NFATC1: variants seen among roughly 807,000 people sequenced by gnomAD.
NFATC1 encodes nuclear factor of activated T-cells, cytoplasmic 1.
A neutral mutation model predicts 76.0 loss-of-function variants in NFATC1; 22 were observed. The ratio of observed to expected loss-of-function variants is 0.29; its 90% CI spans 0.21 to 0.41. The LOEUF (loss-of-function observed/expected upper bound fraction) is 0.41. Ranked by LOEUF, NFATC1 falls within the 10% of genes least tolerant of loss-of-function variation. The probability of loss-of-function intolerance (pLI) is 1.00; values close to 1 mark genes in which losing one functional copy is unlikely to be tolerated. For synonymous variants in NFATC1, 704 were observed against 613.1 expected (o/e 1.15, Z -2.19); for missense variants, 1,357 against 1,337.7 (o/e 1.01, Z -0.23).
At chr18:79,511,964 T>C (rs2090264765) in intron 9 of NFATC1, among the ~76,000 whole-genome samples, 1 of 151,992 alleles carries the variant, frequency 6.6e-6, no homozygotes, top group East Asian at 1.9e-4. Context: ...AGGAGCCCAG[T>C]GGATGGGACG....
At chr18:79,527,484 T>A (rs775137194) in intron 9 of NFATC1, 44 bp from the exon 10 acceptor site, 1 of 1,535,096 alleles carries the variant, frequency 6.5e-7, no homozygotes, top group Non-Finnish European at 9.0e-7. Flanking sequence ...CTTTGATGTT[T>A]ATGGTATTTC....
chr18:79,502,735 C>G (rs991125968), intron 9 of NFATC1, among the ~76,000 whole-genome samples: 5 of 152,164 alleles, frequency 3.3e-5, no homozygotes, highest in African/African-American at 1.2e-4. Context: ...CTCCACATCA[C>G]TAGTTATTAG....
Position 79,467,587 on chromosome 18 carries a change from C to T in NFATC1, c.2092+5C>T, listed in dbSNP as rs765588607. 1.7e-5 allele frequency: 28 copies of T among 1,613,856 alleles called. No individual in the cohort carries two copies. Among genetic ancestry groups the T allele is most frequent in the East Asian group, 4.5e-5 (2 of 44,874 alleles). On this transcript the variant is annotated splice_donor_5th_base_variant and intron_variant, in intron 8 of 9. Transcript: ENST00000427363. ...TCACCTACCTTCCCGCCAACGGTAACGCCATCTTTCTAACCGTAAGCCGTG... is the reference window on the plus strand; with the variant it reads ...TCACCTACCTTCCCGCCAACGGTAATGCCATCTTTCTAACCGTAAGCCGTG...
At chr18:79,409,403 TCGTC>T (rs1283568535) in intron 1 of NFATC1, among the ~76,000 whole-genome samples, 12 of 151,232 alleles carry the variant, frequency 7.9e-5, no homozygotes, top group South Asian at 2.1e-4. Flanking sequence ...CCTCCATTCC[TCGTC>T]CATCCATCCA....
At chr18:79,442,390 G>A (rs1175616644) in intron 3 of NFATC1, among the ~76,000 whole-genome samples, 5 of 152,224 alleles carry the variant, frequency 3.3e-5, no homozygotes, top group African/African-American at 9.6e-5. Flanking sequence ...ATTCACGGGC[G>A]CCATGTCTCC....
intron 3 of NFATC1, among the ~76,000 whole-genome samples, chr18:79,443,552 T>C (rs1407169834): frequency 1.3e-5 from 2 of 152,180 alleles, no homozygotes; most frequent in Non-Finnish European, 2.9e-5. Context: ...CGCCCGTGCA[T>C]TCACCGGTCT....
intron 8 of NFATC1, among the ~76,000 whole-genome samples, chr18:79,474,346 G>C (rs682504): frequency 7.1e-6 from 1 of 140,942 alleles, no homozygotes; most frequent in East Asian, 2.1e-4. Flanking sequence ...CACTGTCGAC[G>C]TTGTAAACCT....
chr18:79,448,150 G>C (rs954987516), intron 3 of NFATC1: 1 of 153,806 alleles, frequency 6.5e-6, no homozygotes, highest in Non-Finnish European at 1.4e-5. Context: ...GCGGACTATA[G>C]ACACCTCCAT....
intron 4 of NFATC1, among the ~76,000 whole-genome samples, chr18:79,449,966 A>T (rs1316485298): frequency 6.6e-6 from 1 of 152,234 alleles, no homozygotes. Flanking sequence ...CGCACCTGGG[A>T]ATTCATTCCA....
In NFATC1 at chr18:79,446,194, A is replaced by G. The variant is rs1016743710; in HGVS notation, c.1387-2588A>G. On this transcript the variant is annotated intron_variant, in intron 3 of 9. Coordinates refer to ENST00000427363, the MANE Select transcript of NFATC1 (RefSeq NM_001278669.2). ...TCTTAAAATGAACTTCATGTTTTAA[A>G]TAATAGATGTTTACCTCCCAGGTGA... Among the ~76,000 whole-genome samples, 5 of 152,330 alleles carry G rather than the reference A, an allele frequency of 3.3e-5. No individual in the cohort carries two copies. The East Asian group carries it at 7.7e-4, about 24-fold the overall frequency.
chr18:79,445,483 G>T (rs2144743563), intron 3 of NFATC1, among the ~76,000 whole-genome samples: 1 of 152,356 alleles, frequency 6.6e-6, no homozygotes, highest in East Asian at 1.9e-4. Context: ...CCTTCACCTG[G>T]AAGTGTCACC....
chr18:79,462,898 C>T (rs888853424), intron 7 of NFATC1, among the ~76,000 whole-genome samples: 1 of 150,912 alleles, frequency 6.6e-6, no homozygotes, highest in African/African-American at 2.5e-5. Context: ...CAGGGAAGAG[C>T]CCATCTCGGG....
In NFATC1 at chr18:79,403,695, G is replaced by C. The variant is rs148842058; in HGVS notation, c.128-6708G>C. ...GTGTGCCCGGGTCTGCCACTGGCCT[G>C]TGCCCACTGCTGGGGCATTTAATGG... On this transcript the variant is annotated intron_variant, in intron 1 of 9. Transcript: ENST00000427363. 9.8e-5 allele frequency among the ~76,000 whole-genome samples: 15 copies of C among 152,396 alleles called. No individual in the cohort carries two copies. In the East Asian group the frequency reaches 2.9e-3, roughly 29 times the overall value.
intron 1 of NFATC1, among the ~76,000 whole-genome samples, chr18:79,407,373 C>T (rs926984766): frequency 4.6e-5 from 7 of 152,130 alleles, no homozygotes; most frequent in East Asian, 1.9e-4. Context: ...CTGGAATTGG[C>T]GTCAGGATGC....
At chr18:79,447,007 C>T (rs536573845) in intron 3 of NFATC1, among the ~76,000 whole-genome samples, 2 of 152,372 alleles carry the variant, frequency 1.3e-5, no homozygotes, top group South Asian at 2.1e-4. Flanking sequence ...CTGGGCCTCA[C>T]GGTCAGGCCC....
At chr18:79,504,401 G>GGA (rs968924939) in intron 9 of NFATC1, among the ~76,000 whole-genome samples, 28 of 152,318 alleles carry the variant, frequency 1.8e-4, no homozygotes, top group Non-Finnish European at 1.2e-4. Flanking sequence ...CTGAGCCCAG[G>GGA]GAGAGAGATA....
chr18:79,416,606 A>G (rs1036570726), intron 2 of NFATC1, among the ~76,000 whole-genome samples: 1 of 152,018 alleles, frequency 6.6e-6, no homozygotes, highest in East Asian at 1.9e-4. Flanking sequence ...CGCTGCCATC[A>G]CCTCCTGGGA....
At chr18:79,438,243 T>C (rs1237037870) in intron 3 of NFATC1, among the ~76,000 whole-genome samples, 1 of 152,238 alleles carries the variant, frequency 6.6e-6, no homozygotes, top group Non-Finnish European at 1.5e-5. Flanking sequence ...TGCAGCCCCC[T>C]CGCCAGATGT....
rs752901617 is a variant in NFATC1, at chr18:79,451,734, G to C, written c.1821G>C (p.Pro607=). The part of the protein sequence containing the change: ...LVEKQSTDSY[P]VVGGKKMVLS... ...AGAAGCAGAGCACGGACAGCTATCC[G>C]GTCGTGGGCGGGAAGAAGATGGTCC... The change falls in exon 6 of 10, where the codon CCG becomes CCC. Residue 607 remains proline, a synonymous_variant. Coordinates refer to ENST00000427363, the MANE Select transcript of NFATC1 (RefSeq NM_001278669.2). The C allele has an allele frequency of 4.3e-6, 7 of 1,613,064 alleles. No individual in the cohort carries two copies. Among genetic ancestry groups the C allele is most frequent in the East Asian group, 2.2e-5 (1 of 44,800 alleles).
Sources: gnomAD v4.1 joint callset for allele counts (sites outside exome capture counted in the v4.1 genomes callset) on GRCh38, gnomAD v4.1.1 for gene constraint, MANE v1.5 for transcripts, NCBI Gene and HGNC (gene_info 2026-07-23, HGNC 2026-07-21) for gene names.